CAMTA1: variants seen among roughly 807,000 people sequenced by gnomAD.
The protein encoded by CAMTA1 is calmodulin-binding transcription activator 1.
CAMTA1 carries 27 observed loss-of-function variants against 170.9 expected under a neutral mutation model. The observed-to-expected ratio is 0.16, with a 90% confidence interval of 0.12 to 0.22. The LOEUF (loss-of-function observed/expected upper bound fraction) is 0.22, where lower values mean the gene tolerates loss of function less well. Ranked by LOEUF, CAMTA1 falls within the 10% of genes least tolerant of loss-of-function variation. The pLI, the probability that CAMTA1 is intolerant of heterozygous loss-of-function variation, is 1.00. For synonymous variants in CAMTA1, 833 were observed against 891.5 expected, an observed-to-expected ratio of 0.93 and a Z score of 1.17; for missense variants, 1,619 against 2,217.2, an observed-to-expected ratio of 0.73 and a Z score of 5.42.
chr1:7,270,443 C>G (rs1231787076), intron 5 of CAMTA1, among the ~76,000 whole-genome samples: 1 of 151,606 alleles, frequency 6.6e-6, no homozygotes, highest in Admixed American at 6.6e-5. Context: ...TACAGGCACC[C>G]ACCACCACGC....
At chr1:7,493,361 A>C (rs947313423) in intron 6 of CAMTA1, among the ~76,000 whole-genome samples, 2 of 111,442 alleles carry the variant, frequency 1.8e-5, no homozygotes, top group Admixed American at 1.8e-4. Context: ...ACAAACATAC[A>C]AACACACGTG....
chr1:7,347,577 G>A (rs2084319121), intron 5 of CAMTA1, among the ~76,000 whole-genome samples: 1 of 152,208 alleles, frequency 6.6e-6, no homozygotes, highest in Non-Finnish European at 1.5e-5. Context: ...AAACTGGGTG[G>A]CTTAAAAGCA....
chr1:7,148,573 C>T (rs1646381359), intron 4 of CAMTA1, among the ~76,000 whole-genome samples: 1 of 152,208 alleles, frequency 6.6e-6, no homozygotes, highest in South Asian at 2.1e-4. Context: ...GGTCCAGTCC[C>T]CACGTTGCCA....
rs151134559 is a variant in CAMTA1 at position 7,288,860 on chromosome 1, A to G, written c.438+39234A>G. On this transcript the variant is annotated intron_variant, in intron 5 of 22. Transcript: ENST00000303635. The stretch of plus-strand genomic sequence containing the variant: ...TTGGGGAAGGAGGATCAAAGTCAGG[A>G]TGAGTCTATTAGTCTGTTCTTGTAT... Among the ~76,000 whole-genome samples the G allele has an allele frequency of 4.4e-3, 672 of 152,256 alleles. 8 individuals are homozygous for G. Among genetic ancestry groups the G allele is most frequent in the Admixed American group, 0.024 (368 of 15,286 alleles).
chr1:6,834,507 A>G, intron 3 of CAMTA1: 1 of 255,906 alleles, frequency 3.9e-6, no homozygotes, highest in Non-Finnish European at 7.6e-6. Flanking sequence ...TTGGCGGGGT[A>G]GCCACATTTG....
chr1:7,687,680 A>G (rs2096270474), intron 11 of CAMTA1, among the ~76,000 whole-genome samples: 1 of 152,144 alleles, frequency 6.6e-6, no homozygotes, highest in Non-Finnish European at 1.5e-5. Flanking sequence ...CAACCTTTTG[A>G]TAGGTCCGTG....
chr1:6,982,815 G>A (rs1694668822), intron 3 of CAMTA1, among the ~76,000 whole-genome samples: 1 of 152,108 alleles, frequency 6.6e-6, no homozygotes, highest in Non-Finnish European at 1.5e-5. Context: ...GTAGAGGGGT[G>A]GGGAGGGGTG....
At chr1:7,460,405 C>T (rs775045424) in intron 5 of CAMTA1, among the ~76,000 whole-genome samples, 2 of 152,164 alleles carry the variant, frequency 1.3e-5, no homozygotes, top group Non-Finnish European at 2.9e-5. Context: ...TGTGTTTGCC[C>T]GGCATGTACA....
chr1:7,689,518 G>T (rs1199816473), intron 11 of CAMTA1, among the ~76,000 whole-genome samples: 2 of 152,158 alleles, frequency 1.3e-5, no homozygotes, highest in Non-Finnish European at 2.9e-5. Context: ...GGTTGAGGCT[G>T]CAGTGAGCTG....
chr1:7,536,429 C>G (rs2094549912), intron 6 of CAMTA1, among the ~76,000 whole-genome samples: 1 of 152,144 alleles, frequency 6.6e-6, no homozygotes, highest in African/African-American at 2.4e-5. Context: ...GCAGCCTGCC[C>G]TTTGCTGTGG....
intron 8 of CAMTA1, 136 bp from the exon 9 acceptor site, chr1:7,663,216 TG>T: frequency 8.1e-7 from 1 of 1,228,558 alleles, no homozygotes; most frequent in Non-Finnish European, 1.1e-6. Context: ...GTACCGGGCC[TG>T]GACTTTGCCA....
At chr1:6,891,758 C>T (rs1409290368) in intron 3 of CAMTA1, among the ~76,000 whole-genome samples, 1 of 152,154 alleles carries the variant, frequency 6.6e-6, no homozygotes, top group African/African-American at 2.4e-5. Context: ...AATTTTAATA[C>T]ATAAATAATC....
At chr1:7,006,628 T>G (rs1174542527) in intron 3 of CAMTA1, among the ~76,000 whole-genome samples, 3 of 152,096 alleles carry the variant, frequency 2.0e-5, no homozygotes. Context: ...GAAATGACCT[T>G]CTCCAAAGCA....
rs1553242826 is a variant in CAMTA1 at position 7,093,529 on chromosome 1, C to CAGACATCTGATTTCAGAT, written c.302+2160_302+2177dup. On this transcript the variant is annotated intron_variant, in intron 4 of 22. Transcript: ENST00000303635. This position sits in a 1 kb window ranked among gnomAD's most constrained non-coding sequence, Gnocchi z 4.6. Reference sequence around the variant, plus strand: ...AGCTTCTCTGGAATGCGTCCTGGGCCAGACATCTGATTTCAGATACGCAGA... The same window carrying CAGACATCTGATTTCAGAT: ...AGCTTCTCTGGAATGCGTCCTGGGCCAGACATCTGATTTCAGATAGACATCTGATTTCAGATACGCAGA... Among the ~76,000 whole-genome samples the CAGACATCTGATTTCAGAT allele has an allele frequency of 6.6e-6, 1 of 152,190 alleles. No individual in the cohort carries two copies. The highest frequency in any genetic ancestry group is 1.5e-5 in the Non-Finnish European group (1 of 68,042).
intron 3 of CAMTA1, among the ~76,000 whole-genome samples, chr1:6,897,715 T>G (rs1675953193): frequency 6.6e-6 from 1 of 152,190 alleles, no homozygotes; most frequent in South Asian, 2.1e-4. Context: ...TGATTATTTG[T>G]TTGAAAATGA....
chr1:7,503,063 C>T (rs1196872636), intron 6 of CAMTA1, among the ~76,000 whole-genome samples: 3 of 152,292 alleles, frequency 2.0e-5, no homozygotes, highest in Non-Finnish European at 2.9e-5. Flanking sequence ...GGTCAGTCAG[C>T]GTCAGGACAA....
intron 6 of CAMTA1, among the ~76,000 whole-genome samples, chr1:7,496,918 C>G (rs1398625424): frequency 6.7e-6 from 1 of 149,140 alleles, no homozygotes; most frequent in Non-Finnish European, 1.5e-5. Context: ...AGCCTCCATC[C>G]TGAGCAGCCA....
At chr1:7,315,253 A>G (rs1193940536) in intron 5 of CAMTA1, among the ~76,000 whole-genome samples, 1 of 152,240 alleles carries the variant, frequency 6.6e-6, no homozygotes, top group Non-Finnish European at 1.5e-5. Context: ...TTGGAGCTGC[A>G]GAAACATTAT....
rs1246009647 is a variant in CAMTA1, at chr1:7,757,246, G to A, written c.4989+1578G>A. On this transcript the variant is annotated intron_variant, in intron 22 of 22. Transcript: ENST00000303635. ...CCAGATAGTAAATACCTTAAGCTTT[G>A]TGGGCTGTATGGTCTGTCCCAACTA... Among the ~76,000 whole-genome samples the A allele has an allele frequency of 3.9e-5, 6 of 152,168 alleles. No individual in the cohort carries two copies. The East Asian group carries it at 1.2e-3, about 29-fold the overall frequency.
Sources: allele counts gnomAD v4.1 joint callset (sites outside exome capture counted in the v4.1 genomes callset), GRCh38; gene constraint gnomAD v4.1.1; non-coding constraint Gnocchi (gnomAD v3.1); transcripts MANE v1.5; gene names NCBI Gene and HGNC (gene_info 2026-07-23, HGNC 2026-07-21).